The following HS3ST2 variants were observed in gnomAD, a reference collection of about 807,000 sequenced individuals.
The protein encoded by HS3ST2 is heparan sulfate glucosamine 3-O-sulfotransferase 2.
Under a neutral mutation model 26.3 loss-of-function variants are expected in HS3ST2, and 17 were observed. The observed-to-expected ratio is 0.65, with a 90% confidence interval of 0.44 to 0.97. The LOEUF (loss-of-function observed/expected upper bound fraction) is 0.97, where lower values mean the gene tolerates loss of function less well. Ranked by LOEUF, HS3ST2 falls within the 50% of genes least tolerant of loss-of-function variation. The probability of loss-of-function intolerance (pLI) is 0.00; values close to 1 mark genes in which losing one functional copy is unlikely to be tolerated. For synonymous variants in HS3ST2, 237 were observed against 219.2 expected (o/e 1.08, Z -0.72); for missense variants, 402 against 501.2 (o/e 0.80, Z 1.89).
intron 1 of HS3ST2, among the ~76,000 whole-genome samples, chr16:22,902,675 G>A (rs1204437215): frequency 6.6e-6 from 1 of 152,178 alleles, no homozygotes; most frequent in African/African-American, 2.4e-5. Context: ...TTAGGAGAGT[G>A]TTAGTTCTTC....
At chr16:22,856,025 G>T (rs1317433480) in intron 1 of HS3ST2, among the ~76,000 whole-genome samples, 1 of 152,130 alleles carries the variant, frequency 6.6e-6, no homozygotes, top group Non-Finnish European at 1.5e-5. Flanking sequence ...AAATGTTGGG[G>T]TATCATTACT....
At chr16:22,852,948 C>T (rs965202796) in intron 1 of HS3ST2, among the ~76,000 whole-genome samples, 5 of 150,510 alleles carry the variant, frequency 3.3e-5, no homozygotes, top group Admixed American at 1.3e-4. Context: ...ACTAATCTCA[C>T]GAAAGAAATT....
chr16:22,827,170 C>A (rs1007337492), intron 1 of HS3ST2, among the ~76,000 whole-genome samples: 4 of 152,124 alleles, frequency 2.6e-5, no homozygotes, highest in African/African-American at 9.7e-5. Context: ...CGTGCAAAGG[C>A]CCTGAGGACA....
chr16:22,898,234 T>G (rs987355956), intron 1 of HS3ST2, among the ~76,000 whole-genome samples: 6 of 151,904 alleles, frequency 3.9e-5, no homozygotes, highest in Non-Finnish European at 7.4e-5. Context: ...ACAGACTAAC[T>G]AGGGGGAAGG....
intron 1 of HS3ST2, among the ~76,000 whole-genome samples, chr16:22,879,512 T>TG (rs964215971): frequency 1.3e-5 from 2 of 152,078 alleles, no homozygotes; most frequent in African/African-American, 2.4e-5. Context: ...CACACTCTGC[T>TG]GGGGGGCATC....
intron 1 of HS3ST2, among the ~76,000 whole-genome samples, chr16:22,904,786 A>G (rs1902328167): frequency 6.6e-6 from 1 of 152,236 alleles, no homozygotes; most frequent in South Asian, 2.1e-4. Flanking sequence ...TCTTGTGAGC[A>G]ACGAGAATGG....
At chr16:22,847,896 GA>G (rs1209413774) in intron 1 of HS3ST2, among the ~76,000 whole-genome samples, 1 of 150,634 alleles carries the variant, frequency 6.6e-6, no homozygotes, top group African/African-American at 2.4e-5. Flanking sequence ...AAGAAAGAGA[GA>G]AAGACAAAGC....
intron 1 of HS3ST2, among the ~76,000 whole-genome samples, chr16:22,909,302 A>C (rs1054263767): frequency 2.0e-5 from 3 of 152,226 alleles, no homozygotes; most frequent in African/African-American, 7.2e-5. Context: ...AAGTCCAAAC[A>C]ATGAGCATTA....
At chr16:22,828,437 G>A (rs547828900) in intron 1 of HS3ST2, among the ~76,000 whole-genome samples, 1 of 152,280 alleles carries the variant, frequency 6.6e-6, no homozygotes, top group African/African-American at 2.4e-5. Flanking sequence ...TGTGAGTGTG[G>A]CTTCCCTTAA....
intron 1 of HS3ST2, among the ~76,000 whole-genome samples, chr16:22,855,870 C>A (rs993293657): frequency 2.6e-5 from 4 of 152,120 alleles, no homozygotes; most frequent in Non-Finnish European, 4.4e-5. Context: ...CTAGCTGTGA[C>A]TCATTGGCTC....
chr16:22,866,327 G>A (rs56104107), intron 1 of HS3ST2, among the ~76,000 whole-genome samples: 19,390 of 149,172 alleles, frequency 0.13, 2,246 homozygotes, highest in African/African-American at 0.32. Context: ...GCGCGCGCGC[G>A]CACACACACA....
intron 1 of HS3ST2, among the ~76,000 whole-genome samples, chr16:22,818,674 TCCTC>T (rs1273659818): frequency 1.4e-5 from 2 of 139,856 alleles, no homozygotes; most frequent in Admixed American, 1.4e-4. Flanking sequence ...CTTCCTTCCT[TCCTC>T]CCTCCCTCCT....
Position 22,814,288 on chromosome 16 carries a change from T to G in HS3ST2, c.-323T>G. ...CGCTCCGAGGATCAGGAATGGGGCT[T>G]CGGGCGCTGGGCGCGCTCCGAACCC... On this transcript the variant is annotated 5_prime_UTR_variant, in exon 1 of 2. Transcript: ENST00000261374. The G allele has an allele frequency of 4.0e-6, 1 of 251,112 alleles. No individual in the cohort carries two copies. Among genetic ancestry groups the G allele is most frequent in the Non-Finnish European group, 7.5e-6 (1 of 132,842 alleles). The allele number at this position is 251,112 out of a possible 1,614,324, so 15.6% of individuals were successfully genotyped here. A position where few individuals can be genotyped will look rare whatever the true frequency, so the allele number is the denominator to read the frequency against.
intron 1 of HS3ST2, among the ~76,000 whole-genome samples, chr16:22,822,384 T>C (rs71378482): frequency 0.14 from 21,171 of 151,844 alleles, 1,658 homozygotes; most frequent in African/African-American, 0.2. Flanking sequence ...CCCAGGCTGG[T>C]CTCAAACTCC....
At chr16:22,831,346 C>T (rs1901164880) in intron 1 of HS3ST2, among the ~76,000 whole-genome samples, 1 of 152,018 alleles carries the variant, frequency 6.6e-6, no homozygotes, top group African/African-American at 2.4e-5. Context: ...CTATCAATAG[C>T]CTGGGAGGGT....
At chr16:22,892,826 C>CA (rs1399156344) in intron 1 of HS3ST2, among the ~76,000 whole-genome samples, 3 of 152,300 alleles carry the variant, frequency 2.0e-5, no homozygotes, top group African/African-American at 7.2e-5. Flanking sequence ...CACGGCTCTT[C>CA]AAAATGCGTT....
intron 1 of HS3ST2, among the ~76,000 whole-genome samples, chr16:22,869,657 C>A (rs1901804454): frequency 6.6e-6 from 1 of 152,146 alleles, no homozygotes. Flanking sequence ...CTGTGAGACT[C>A]ATTTACTAAC....
chr16:22,854,252 A>G (rs1901558800), intron 1 of HS3ST2, among the ~76,000 whole-genome samples: 1 of 152,148 alleles, frequency 6.6e-6, no homozygotes, highest in African/African-American at 2.4e-5. Flanking sequence ...GGCCAGGCTG[A>G]CTTTATCCTT....
chr16:22,843,836 T>A (rs761453753), intron 1 of HS3ST2, among the ~76,000 whole-genome samples: 12 of 151,926 alleles, frequency 7.9e-5, no homozygotes, highest in Non-Finnish European at 1.5e-4. Context: ...CTGGGGAGGG[T>A]CTGAAGACCC....
Sources: gnomAD v4.1 joint callset for allele counts (sites outside exome capture counted in the v4.1 genomes callset) on GRCh38, gnomAD v4.1.1 for gene constraint, MANE v1.5 for transcripts, NCBI Gene and HGNC (gene_info 2026-07-23, HGNC 2026-07-21) for gene names.